Variants in MDFIC observed in about 807,000 individuals in gnomAD.
MDFIC encodes the protein myoD family inhibitor domain-containing protein.
MDFIC carries 17 observed loss-of-function variants against 23.2 expected under a neutral mutation model. That is an observed-to-expected ratio of 0.73 (90% confidence interval 0.50 to 1.10). MDFIC has a LOEUF of 1.10. Among genes scored for constraint, MDFIC ranks in the 50% least tolerant of loss-of-function variants. The probability of loss-of-function intolerance (pLI) is 0.00; values close to 1 mark genes in which losing one functional copy is unlikely to be tolerated. For missense variants in MDFIC, 356 were observed against 316.6 expected (o/e 1.12, Z -0.95); for synonymous variants, 120 against 115.2 (o/e 1.04, Z -0.27).
intron 3 of MDFIC, among the ~76,000 whole-genome samples, chr7:114,970,544 A>G (rs555206385): frequency 1.3e-5 from 2 of 152,274 alleles, no homozygotes; most frequent in East Asian, 1.9e-4. Context: ...TATCAATTTA[A>G]TAGCTTCCTG....
chr7:114,977,079 A>C (rs576058322), intron 3 of MDFIC, among the ~76,000 whole-genome samples: 2 of 152,316 alleles, frequency 1.3e-5, no homozygotes, highest in African/African-American at 4.8e-5. Flanking sequence ...TAGATTTTGA[A>C]ATTCCAGGAA....
intron 3 of MDFIC, among the ~76,000 whole-genome samples, chr7:114,973,919 T>C (rs1437243321): frequency 1.3e-5 from 2 of 152,096 alleles, no homozygotes. Context: ...GTTAAATATA[T>C]ACATCAAATA....
chr7:114,973,547 T>C (rs901125609), intron 3 of MDFIC, among the ~76,000 whole-genome samples: 2 of 152,168 alleles, frequency 1.3e-5, no homozygotes, highest in African/African-American at 4.8e-5. Context: ...AGCCACGTAC[T>C]CAGGACAATT....
intron 3 of MDFIC, among the ~76,000 whole-genome samples, chr7:114,964,146 G>A (rs949266058): frequency 6.6e-6 from 1 of 152,058 alleles, no homozygotes; most frequent in Non-Finnish European, 1.5e-5. Flanking sequence ...AACTATTGAT[G>A]AAATTAATGT....
chr7:115,015,969 G>C lies in MDFIC; in HGVS notation c.*34G>C, dbSNP rs1475178728. On this transcript the variant is annotated 3_prime_UTR_variant, in exon 5 of 5. Transcript: ENST00000393486. ...CTTTTGTTTGTGTTAAAACTGGAGA[G>C]TGTTTAAAAATTTCCTTTTGGGGGG... 16 of 1,584,724 alleles carry C rather than the reference G, an allele frequency of 1.0e-5. No homozygotes were observed. Among genetic ancestry groups the C allele is most frequent in the Non-Finnish European group, 1.4e-5 (16 of 1,166,004 alleles).
At chr7:114,924,767 A>AAG (rs1022189307) in intron 2 of MDFIC, among the ~76,000 whole-genome samples, 1 of 152,224 alleles carries the variant, frequency 6.6e-6, no homozygotes, top group Non-Finnish European at 1.5e-5. Context: ...GATTTTTAAA[A>AAG]AGAGAGTCTG....
intron 4 of MDFIC, among the ~76,000 whole-genome samples, chr7:115,007,630 G>GTGTGTATATATATATATA (rs369718965): frequency 7.5e-6 from 1 of 132,942 alleles, no homozygotes; most frequent in African/African-American, 3.1e-5. Context: ...GCGTGTGTGT[G>GTGTGTATATATATATATA]TATATATATA....
At chr7:114,995,006 T>G (rs1355942700) in intron 4 of MDFIC, among the ~76,000 whole-genome samples, 1 of 152,232 alleles carries the variant, frequency 6.6e-6, no homozygotes, top group Non-Finnish European at 1.5e-5. Flanking sequence ...AGATTTGGTC[T>G]TTTCACATAG....
chr7:114,995,732 G>T (rs1041497873), intron 4 of MDFIC, among the ~76,000 whole-genome samples: 4 of 152,196 alleles, frequency 2.6e-5, no homozygotes, highest in Non-Finnish European at 5.9e-5. Flanking sequence ...GTACTCAGCC[G>T]TGTGAGGTGT....
At position 115,018,495 on chromosome 7, in the gene MDFIC, T is replaced by A. The variant is rs1791837491; in HGVS notation, c.*2560T>A. ...TTTTCCTCTTGTCTACTCCAGACAG[T>A]TATTCCATAAAGCATTTGTATAATT... On this transcript the variant is annotated 3_prime_UTR_variant, in exon 5 of 5. Transcript: ENST00000393486. 1 of 152,402 alleles carries A rather than the reference T, an allele frequency of 6.6e-6. No individual in the cohort carries two copies. The highest frequency in any genetic ancestry group is 1.5e-5 in the Non-Finnish European group (1 of 67,862). 9.4% of individuals were successfully genotyped at this position (152,402 alleles called of 1,614,324 possible). A position where few individuals can be genotyped will look rare whatever the true frequency, so the allele number is the denominator to read the frequency against.
intron 2 of MDFIC, among the ~76,000 whole-genome samples, chr7:114,940,247 A>C (rs1792512366): frequency 6.6e-6 from 1 of 152,274 alleles, no homozygotes; most frequent in Non-Finnish European, 1.5e-5. Context: ...TTTGGTTCAG[A>C]GACCTTAGCC....
intron 4 of MDFIC, among the ~76,000 whole-genome samples, chr7:114,981,052 T>C (rs542314837): frequency 6.6e-6 from 1 of 152,304 alleles, no homozygotes; most frequent in East Asian, 1.9e-4. Context: ...AGCTGCATGG[T>C]CATCTCTGAA....
At chr7:114,993,500 T>A (rs1277747253) in intron 4 of MDFIC, among the ~76,000 whole-genome samples, 1 of 152,242 alleles carries the variant, frequency 6.6e-6, no homozygotes, top group Non-Finnish European at 1.5e-5. Flanking sequence ...TGTTATAAAT[T>A]TCCCTTTACA....
intron 1 of MDFIC, 45 bp downstream of exon 1, chr7:114,922,681 C>T (rs1792108006): frequency 7.5e-7 from 1 of 1,341,160 alleles, no homozygotes; most frequent in Admixed American, 3.9e-5. Context: ...GTTTGATCCC[C>T]ATCCCCGGGG....
chr7:114,932,878 A>G (rs528936833), intron 2 of MDFIC, among the ~76,000 whole-genome samples: 9 of 152,328 alleles, frequency 5.9e-5, no homozygotes, highest in African/African-American at 2.2e-4. Flanking sequence ...CAATTTCAGT[A>G]TACTTCAAAT....
chr7:115,008,865 T>C (rs1791624137), intron 4 of MDFIC, among the ~76,000 whole-genome samples: 1 of 152,184 alleles, frequency 6.6e-6, no homozygotes. Context: ...AAGCAGTATC[T>C]AGGAAGAGGA....
chr7:114,968,378 C>T (rs188341429), intron 3 of MDFIC, among the ~76,000 whole-genome samples: 79 of 152,234 alleles, frequency 5.2e-4, no homozygotes, highest in Non-Finnish European at 9.4e-4. Context: ...CTAGAAATTT[C>T]CATTGTGTTT....
intron 3 of MDFIC, among the ~76,000 whole-genome samples, chr7:114,958,050 C>T (rs1792915925): frequency 6.6e-6 from 1 of 152,132 alleles, no homozygotes; most frequent in Non-Finnish European, 1.5e-5. Flanking sequence ...AGTAGGAAAA[C>T]TTATCATTGT....
At chr7:114,944,433 C>T (rs948482855) in intron 3 of MDFIC, among the ~76,000 whole-genome samples, 3 of 152,318 alleles carry the variant, frequency 2.0e-5, no homozygotes, top group Admixed American at 6.5e-5. Flanking sequence ...TTCCCAGTCA[C>T]ACTTTTCTAG....
Sources: allele counts gnomAD v4.1 joint callset (sites outside exome capture counted in the v4.1 genomes callset), GRCh38; gene constraint gnomAD v4.1.1; transcripts MANE v1.5; gene names NCBI Gene and HGNC (gene_info 2026-07-23, HGNC 2026-07-21).